MIPEP: variants seen among roughly 807,000 people sequenced by gnomAD.
MIPEP encodes mitochondrial intermediate peptidase.
In MIPEP, 79 loss-of-function variants were observed where a neutral mutation model predicts 90.3. The ratio of observed to expected loss-of-function variants is 0.87; its 90% CI spans 0.73 to 1.05. The LOEUF is 1.05. Among genes scored for constraint, MIPEP ranks in the 50% least tolerant of loss-of-function variants. The pLI is 0.00. For synonymous variants in MIPEP, 334 were observed against 315.8 expected (o/e 1.06, Z -0.61); for missense variants, 940 against 905.6 (o/e 1.04, Z -0.49).
At chr13:23,745,183 C>T (rs1382943198) in intron 18 of MIPEP, among the ~76,000 whole-genome samples, 2 of 151,996 alleles carry the variant, frequency 1.3e-5, no homozygotes, top group African/African-American at 2.4e-5. Flanking sequence ...CTACAATTAA[C>T]CAGGGACTAT....
At chr13:23,780,007 CAGT>C (rs1257103413) in intron 16 of MIPEP, among the ~76,000 whole-genome samples, 1 of 152,172 alleles carries the variant, frequency 6.6e-6, no homozygotes, top group East Asian at 1.9e-4. Flanking sequence ...AGGCCTGCCT[CAGT>C]AGACTCCACC....
chr13:23,862,791 C>A (rs1593197725), intron 8 of MIPEP, among the ~76,000 whole-genome samples: 1 of 152,040 alleles, frequency 6.6e-6, no homozygotes, highest in East Asian at 1.9e-4. Flanking sequence ...TCTAGCTGGT[C>A]AATAATTAAA....
chr13:23,839,615 T>C, intron 12 of MIPEP, 34 bp downstream of exon 12: 2 of 1,503,736 alleles, frequency 1.3e-6, no homozygotes, highest in South Asian at 1.2e-5. Flanking sequence ...TGCCGATCGG[T>C]TCTAGAGAGA....
chr13:23,768,315 C>T (rs1444402041), intron 16 of MIPEP, among the ~76,000 whole-genome samples: 2 of 152,198 alleles, frequency 1.3e-5, no homozygotes, highest in Non-Finnish European at 2.9e-5. Flanking sequence ...TAACTTTTAA[C>T]TTTGTTTCTA....
intron 10 of MIPEP, among the ~76,000 whole-genome samples, chr13:23,852,179 T>C (rs1869825139): frequency 1.3e-5 from 2 of 152,126 alleles, no homozygotes; most frequent in South Asian, 2.1e-4. Context: ...GCCAAGAGAA[T>C]GTGGAGGCTT....
At chr13:23,772,091 T>A (rs1368459446) in intron 16 of MIPEP, among the ~76,000 whole-genome samples, 1 of 152,234 alleles carries the variant, frequency 6.6e-6, no homozygotes, top group African/African-American at 2.4e-5. Flanking sequence ...GCTTATTAAC[T>A]GCACATTCTA....
At chr13:23,801,736 C>G (rs932936723) in intron 16 of MIPEP, among the ~76,000 whole-genome samples, 1 of 152,150 alleles carries the variant, frequency 6.6e-6, no homozygotes, top group Non-Finnish European at 1.5e-5. Flanking sequence ...TTACCTTATG[C>G]TTGTTAGGCT....
At chr13:23,757,898 A>G (rs1375827342) in intron 17 of MIPEP, among the ~76,000 whole-genome samples, 1 of 152,230 alleles carries the variant, frequency 6.6e-6, no homozygotes, top group Non-Finnish European at 1.5e-5. Flanking sequence ...TTCCTTTAAC[A>G]TACATGACTA....
rs757981443 is a variant in MIPEP, at chr13:23,870,143, A to C, written c.656T>G (p.Phe219Cys). ...GTTGGGAAAATTGGTTCCCATAAGAAATGTACTACTCAAATCCAAGATTTT... is the reference window on the plus strand; with the variant it reads ...GTTGGGAAAATTGGTTCCCATAAGACATGTACTACTCAAATCCAAGATTTT... ...NVKILDLSST[F>C]LMGTNFPNKI... Residue 219 changes from phenylalanine (F) to cysteine (C), a missense_variant, in exon 6 of 19, where the codon TTT becomes TGT. Transcript: ENST00000382172. The C allele has an allele frequency of 1.9e-6, 3 of 1,612,190 alleles. No individual in the cohort carries two copies. Among genetic ancestry groups the C allele is most frequent in the South Asian group, 2.2e-5 (2 of 90,776 alleles).
chr13:23,756,554 T>G lies in MIPEP; in HGVS notation c.2035A>C (p.Met679Leu), dbSNP rs1454124899. ...TTTGGTTTTGTTTTACCTTCAACCA[T>G]GAGCATGGGCTCCCTGCCTCCACCG... ...AHGGGREPML[M>L]VEGMLQKCPS... Residue 679 changes from methionine (M) to leucine (L), a missense_variant, in exon 18 of 19, where the codon ATG (methionine) becomes CTG (leucine). By Grantham distance (15) the Met-to-Leu change is conservative. Coordinates refer to ENST00000382172, the MANE Select transcript of MIPEP (RefSeq NM_005932.4). 3 of 1,613,986 alleles carry G rather than the reference T, an allele frequency of 1.9e-6. No individual in the cohort carries two copies.
intron 18 of MIPEP, among the ~76,000 whole-genome samples, chr13:23,744,885 TC>T (rs748401599): frequency 1.3e-5 from 2 of 152,214 alleles, no homozygotes; most frequent in East Asian, 1.9e-4. Flanking sequence ...TGCACGTGCA[TC>T]AAAAGGAAGA....
intron 18 of MIPEP, among the ~76,000 whole-genome samples, chr13:23,746,708 T>C (rs1952388292): frequency 6.6e-6 from 1 of 151,918 alleles, no homozygotes; most frequent in South Asian, 2.1e-4. Context: ...CATCTTATGA[T>C]GTTTCCATTC....
intron 4 of MIPEP, among the ~76,000 whole-genome samples, chr13:23,876,166 C>G (rs760704604): frequency 4.6e-5 from 7 of 152,094 alleles, no homozygotes; most frequent in Non-Finnish European, 8.8e-5. Context: ...ATCAATTTAC[C>G]CGTAACTAGA....
intron 5 of MIPEP, among the ~76,000 whole-genome samples, chr13:23,874,360 T>C (rs1474540745): frequency 6.6e-6 from 1 of 152,210 alleles, no homozygotes. Context: ...ACAAATCACT[T>C]TGTCTTGTTT....
Position 23,870,063 on chromosome 13 carries a change from C to T in MIPEP, c.736G>A (p.Gly246Arg), listed in dbSNP as rs778715307. 1.2e-6 allele frequency: 2 copies of T among 1,612,548 alleles called. No individual in the cohort carries two copies. Among genetic ancestry groups the T allele is most frequent in the African/African-American group, 2.7e-5 (2 of 74,846 alleles). Residue 246 changes from glycine (G) to arginine (R), a missense_variant, in exon 6 of 19, where the codon GGG becomes AGG. By Grantham distance (125) the Gly-to-Arg change is moderately radical. Transcript: ENST00000382172. ...AGACCATCAATTATGATATGATCCC[C>T]AGCAGATGTAAAGTTACGACGAATG... The part of the protein sequence containing the change: ...EHIRRNFTSA[G>R]DHIIIDGLHA...
intron 14 of MIPEP, among the ~76,000 whole-genome samples, chr13:23,812,483 T>A (rs74646403): frequency 4.0e-5 from 6 of 149,326 alleles, no homozygotes; most frequent in African/African-American, 4.9e-5. Context: ...CCCTGAGAAA[T>A]AAAAAAAAAA....
intron 18 of MIPEP, among the ~76,000 whole-genome samples, chr13:23,745,474 T>A (rs1024394038): frequency 6.6e-6 from 1 of 152,224 alleles, no homozygotes; most frequent in African/African-American, 2.4e-5. Flanking sequence ...TCAATTTCAA[T>A]TCTTCAACTA....
intron 16 of MIPEP, among the ~76,000 whole-genome samples, chr13:23,804,179 T>G (rs913589211): frequency 1.4e-4 from 21 of 152,322 alleles, no homozygotes; most frequent in Non-Finnish European, 2.6e-4. Flanking sequence ...GTAAGGAAGT[T>G]TTCTTTTAAA....
At chr13:23,809,244 T>C (rs569034570) in intron 15 of MIPEP, among the ~76,000 whole-genome samples, 97 of 152,308 alleles carry the variant, frequency 6.4e-4, no homozygotes, top group African/African-American at 2.1e-3. Flanking sequence ...CATATGTATA[T>C]ATAAAATTAA....
Sources: allele counts gnomAD v4.1 joint callset (sites outside exome capture counted in the v4.1 genomes callset), GRCh38; gene constraint gnomAD v4.1.1; transcripts MANE v1.5; gene names NCBI Gene and HGNC (gene_info 2026-07-23, HGNC 2026-07-21).